Variants in GARIN2 observed in about 807,000 individuals in gnomAD.
GARIN2 encodes golgi associated RAB2 interactor family member 2, also known as Golgi-associated RAB2 interactor protein 2.
At chr14:67,208,540 C>A in the GARIN2 span, 5 of 1,304,606 alleles carry the variant, frequency 3.8e-6, no homozygotes, top group Non-Finnish European at 5.2e-6. Flanking sequence ...CAGGCATCTG[C>A]CACTGAAGAT....
the GARIN2 span, chr14:67,227,552 C>T: frequency 6.6e-6 from 1 of 151,202 alleles, no homozygotes; most frequent in Admixed American, 6.6e-5. Context: ...AAGTTAGTTA[C>T]TAATACAGAC....
the GARIN2 span, among the ~76,000 whole-genome samples, chr14:67,192,914 ATATATATG>A: frequency 6.8e-6 from 1 of 146,608 alleles, no homozygotes; most frequent in Non-Finnish European, 1.5e-5. Context: ...ATATATATAG[ATATATATG>A]TATATATAGA....
the GARIN2 span, chr14:67,199,979 C>A: frequency 1.8e-6 from 2 of 1,141,800 alleles, no homozygotes; most frequent in East Asian, 2.5e-5. Flanking sequence ...CCAGGGATGT[C>A]TCAGATGCAG....
chr14:67,198,026 A>G, the GARIN2 span: 3 of 1,014,592 alleles, frequency 3.0e-6, no homozygotes, highest in Non-Finnish European at 2.8e-6. Flanking sequence ...TGCAGTGCCA[A>G]GCATATCACA....
chr14:67,197,811 C>A, the GARIN2 span, among the ~76,000 whole-genome samples: 51 of 152,126 alleles, frequency 3.4e-4, no homozygotes, highest in African/African-American at 1.2e-3. Context: ...TTTCCTGCTA[C>A]CCTAATAGGT....
chr14:67,202,020 A>G, the GARIN2 span, among the ~76,000 whole-genome samples: 2 of 152,180 alleles, frequency 1.3e-5, no homozygotes, highest in Non-Finnish European at 2.9e-5. Context: ...TAGTTCAGGT[A>G]TCAGCTAGAG....
chr14:67,200,263 C>T, the GARIN2 span: 2 of 802,230 alleles, frequency 2.5e-6, no homozygotes, highest in African/African-American at 1.8e-5. Flanking sequence ...CTCCCTCCAA[C>T]CAGGCCCACT....
the GARIN2 span, among the ~76,000 whole-genome samples, chr14:67,192,852 A>T: frequency 6.9e-6 from 1 of 144,648 alleles, no homozygotes; most frequent in Non-Finnish European, 1.5e-5. Context: ...CTATATATAG[A>T]TATACAGATA....
chr14:67,198,945 T>A, the GARIN2 span: 1 of 701,636 alleles, frequency 1.4e-6, no homozygotes, highest in South Asian at 1.5e-5. Flanking sequence ...CACTGAGCTA[T>A]TACCTCTAAC....
the GARIN2 span, among the ~76,000 whole-genome samples, chr14:67,192,834 A>G: frequency 1.4e-5 from 2 of 146,242 alleles, no homozygotes; most frequent in Admixed American, 1.4e-4. Flanking sequence ...ACAGATCTAT[A>G]TATATATCTA....
At chr14:67,195,316 CCTCT>C in the GARIN2 span, among the ~76,000 whole-genome samples, 1 of 152,138 alleles carries the variant, frequency 6.6e-6, no homozygotes, top group Non-Finnish European at 1.5e-5. Flanking sequence ...TTTCCTCCTC[CCTCT>C]CTGTGTCCTG....
At chr14:67,215,419 A>G in the GARIN2 span, among the ~76,000 whole-genome samples, 1 of 148,772 alleles carries the variant, frequency 6.7e-6, no homozygotes, top group Non-Finnish European at 1.5e-5. Context: ...TTTTTTTTTT[A>G]TGATAACCAC....
the GARIN2 span, among the ~76,000 whole-genome samples, chr14:67,219,032 G>GCC: frequency 6.6e-6 from 1 of 151,918 alleles, no homozygotes; most frequent in African/African-American, 2.4e-5. Context: ...GTGGCCAGTG[G>GCC]CCCCCCAGAG....
chr14:67,203,510 T>C, the GARIN2 span, among the ~76,000 whole-genome samples: 1 of 152,164 alleles, frequency 6.6e-6, no homozygotes, highest in East Asian at 1.9e-4. Flanking sequence ...CTAAATCTAA[T>C]TAACAGGAAC....
the GARIN2 span, chr14:67,221,927 T>C: frequency 7.8e-7 from 1 of 1,279,464 alleles, no homozygotes; most frequent in South Asian, 1.4e-5. Context: ...TTTTGATGCA[T>C]TTCCTTTCTT....
the GARIN2 span, chr14:67,199,558 C>A: frequency 1.3e-6 from 2 of 1,598,020 alleles, no homozygotes; most frequent in African/African-American, 2.7e-5. Context: ...ATGGGCAGTA[C>A]CTCTGTAACC....
chr14:67,190,717 A>G, the GARIN2 span, among the ~76,000 whole-genome samples: 1 of 152,222 alleles, frequency 6.6e-6, no homozygotes, highest in African/African-American at 2.4e-5. Flanking sequence ...TTTTCAAGAG[A>G]TAGAAGCCAC....
the GARIN2 span, among the ~76,000 whole-genome samples, chr14:67,206,740 A>G: frequency 2.0e-5 from 3 of 151,672 alleles, no homozygotes; most frequent in African/African-American, 7.3e-5. Flanking sequence ...TATTATTATT[A>G]TTATTATTTT....
At chr14:67,199,829 A>T in the GARIN2 span, 2 of 1,502,028 alleles carry the variant, frequency 1.3e-6, no homozygotes, top group Non-Finnish European at 1.8e-6. Flanking sequence ...CCCACCTGGG[A>T]TACCCCCAGC....
Sources: gnomAD v4.1 joint callset for allele counts (sites outside exome capture counted in the v4.1 genomes callset) on GRCh38, gnomAD v4.1.1 for gene constraint, MANE v1.5 for transcripts, NCBI Gene and HGNC (gene_info 2026-07-23, HGNC 2026-07-21) for gene names.